ABHD2: variants seen among roughly 807,000 people sequenced by gnomAD.
The protein encoded by ABHD2 is monoacylglycerol lipase ABHD2.
ABHD2 carries 20 observed loss-of-function variants against 48.1 expected under a neutral mutation model. The ratio of observed to expected loss-of-function variants is 0.42; its 90% CI spans 0.29 to 0.60. The LOEUF (loss-of-function observed/expected upper bound fraction) is 0.60, where lower values mean the gene tolerates loss of function less well. ABHD2 is among the 20% of genes least tolerant of loss of function. The probability of loss-of-function intolerance (pLI) is 0.24; values close to 1 mark genes in which losing one functional copy is unlikely to be tolerated. For missense variants in ABHD2, 405 were observed against 550.9 expected, an observed-to-expected ratio of 0.74 and a Z score of 2.65; for synonymous variants, 209 against 214.2, an observed-to-expected ratio of 0.98 and a Z score of 0.21.
chr15:89,045,226 G>A, the ABHD2 span, among the ~76,000 whole-genome samples: 255 of 151,400 alleles, frequency 1.7e-3, no homozygotes, highest in African/African-American at 5.8e-3. Flanking sequence ...GATATGCGGC[G>A]TTATTTCTGA....
rs1567118443 is a variant in ABHD2 at position 89,199,950 on chromosome 15, C to G, written c.*4527C>G. 2.0e-5 allele frequency: 3 copies of G among 152,692 alleles called. No individual in the cohort carries two copies. In the East Asian group the frequency reaches 5.8e-4, roughly 30 times the overall value. The allele number at this position is 152,692 out of a possible 1,614,324, so 9.5% of individuals were successfully genotyped here. A position where few individuals can be genotyped will look rare whatever the true frequency, so the allele number is the denominator to read the frequency against. On this transcript the variant is annotated 3_prime_UTR_variant, in exon 11 of 11. Transcript: ENST00000352732. This position sits in a 1 kb window ranked among gnomAD's most constrained non-coding sequence, Gnocchi z 4.1. ...ATGCCACACAAGGCAAGGCCTGCTT[C>G]CTTCCTTCCCCTCTGCTGCTGCTGC...
chr15:89,078,017 A>T, the ABHD2 span, among the ~76,000 whole-genome samples: 1 of 152,160 alleles, frequency 6.6e-6, no homozygotes, highest in African/African-American at 2.4e-5. Flanking sequence ...GTGTCACCAA[A>T]ATCTCAACAG....
intron 1 of ABHD2, among the ~76,000 whole-genome samples, chr15:89,112,972 C>G (rs1002412833): frequency 2.6e-5 from 4 of 152,188 alleles, no homozygotes; most frequent in Non-Finnish European, 5.9e-5. Context: ...TACCATATGT[C>G]AAGTTTGAAG....
the ABHD2 span, among the ~76,000 whole-genome samples, chr15:89,046,254 A>T: frequency 6.6e-6 from 1 of 152,154 alleles, no homozygotes; most frequent in Non-Finnish European, 1.5e-5. Flanking sequence ...AGTCCACTTG[A>T]TCATGGTGGA....
chr15:89,053,402 G>T, the ABHD2 span, among the ~76,000 whole-genome samples: 2 of 152,168 alleles, frequency 1.3e-5, no homozygotes, highest in African/African-American at 4.8e-5. Flanking sequence ...CTGACATGCA[G>T]CATAATCTCA....
chr15:89,052,713 C>T, the ABHD2 span, among the ~76,000 whole-genome samples: 1 of 152,142 alleles, frequency 6.6e-6, no homozygotes, highest in Admixed American at 6.5e-5. Flanking sequence ...CCTCACAGAG[C>T]TCACAGGGAG....
chr15:89,060,278 A>T, the ABHD2 span, among the ~76,000 whole-genome samples: 4 of 151,550 alleles, frequency 2.6e-5, no homozygotes, highest in Admixed American at 1.3e-4. Flanking sequence ...TTTAGTAGAG[A>T]CAGGGTTTCA....
Position 89,195,123 on chromosome 15 carries a change from A to AC in ABHD2, c.1082-101dup, listed in dbSNP as rs1208074215. On this transcript the variant is annotated intron_variant, in intron 10 of 10. Coordinates refer to ENST00000352732, the MANE Select transcript of ABHD2 (RefSeq NM_152924.5). The surrounding 1 kb of genome is among the most constrained non-coding windows in gnomAD (Gnocchi z 5.1). ...TAGAGGTTGGATGCCCACTTAGGTGACCCTGCGGGGACAGCCAGGCTACCC... is the reference window on the plus strand; with the variant it reads ...TAGAGGTTGGATGCCCACTTAGGTGACCCCTGCGGGGACAGCCAGGCTACCC... The AC allele has an allele frequency of 7.4e-7, 1 of 1,344,518 alleles. No homozygotes were observed. The highest frequency in any genetic ancestry group is 2.1e-5 in the Admixed American group (1 of 46,840). The allele number at this position is 1,344,518 out of a possible 1,614,324, so 83.3% of individuals were successfully genotyped here.
At chr15:89,061,091 G>T in the ABHD2 span, among the ~76,000 whole-genome samples, 2 of 98,734 alleles carry the variant, frequency 2.0e-5, no homozygotes, top group African/African-American at 9.8e-5. Context: ...AAAATGGGGA[G>T]GGAGGGAAGG....
At chr15:89,042,327 C>T in the ABHD2 span, among the ~76,000 whole-genome samples, 5 of 152,126 alleles carry the variant, frequency 3.3e-5, no homozygotes, top group Non-Finnish European at 7.3e-5. Context: ...CTTGCTTTTA[C>T]CCTACTCCCT....
chr15:89,186,075 TC>T lies in ABHD2; in HGVS notation c.815+562del, dbSNP rs2051203951. Among the ~76,000 whole-genome samples the T allele has an allele frequency of 6.6e-6, 1 of 152,206 alleles. No individual in the cohort carries two copies. The highest frequency in any genetic ancestry group is 1.5e-5 in the Non-Finnish European group (1 of 68,038). On this transcript the variant is annotated intron_variant, in intron 7 of 10. Transcript: ENST00000352732. The surrounding 1 kb of genome is among the most constrained non-coding windows in gnomAD (Gnocchi z 4.3). ...AATGAACCACTTCCACACCCTTTTC[TC>T]CCAAATTAGAGCAGTCACGAGGTGG...
intron 10 of ABHD2, among the ~76,000 whole-genome samples, chr15:89,193,691 T>C (rs2051343986): frequency 6.6e-6 from 1 of 152,202 alleles, no homozygotes; most frequent in African/African-American, 2.4e-5. Context: ...GGCTCACACC[T>C]GTAATCCTAG....
chr15:89,139,526 G>A (rs922659436), intron 3 of ABHD2, among the ~76,000 whole-genome samples: 1 of 152,052 alleles, frequency 6.6e-6, no homozygotes, highest in Admixed American at 6.5e-5. Flanking sequence ...CACAGCACTC[G>A]TATTTGTTGA....
rs1177922359 is a variant in ABHD2 at position 89,189,330 on chromosome 15, A to T, written c.926+1027A>T. Among the ~76,000 whole-genome samples, 5 of 152,034 alleles carry T rather than the reference A, an allele frequency of 3.3e-5. No homozygotes were observed. The highest frequency in any genetic ancestry group is 7.4e-5 in the Non-Finnish European group (5 of 68,008). ...CAAGTCCCTGTCTCTACAAAAAAAA[A>T]TTGAAAAATAAAAATAGCCGGGCAT... On this transcript the variant is annotated intron_variant, in intron 8 of 10. Transcript: ENST00000352732. The surrounding 1 kb of genome is among the most constrained non-coding windows in gnomAD (Gnocchi z 4.9).
chr15:89,164,675 C>T lies in ABHD2; in HGVS notation c.538+9141C>T, dbSNP rs1200374649. On this transcript the variant is annotated intron_variant, in intron 5 of 10. Coordinates refer to ENST00000352732, the MANE Select transcript of ABHD2 (RefSeq NM_152924.5). This position sits in a 1 kb window ranked among gnomAD's most constrained non-coding sequence, Gnocchi z 5.0. The stretch of plus-strand genomic sequence containing the variant: ...TGATACACACCTGTAATCTCAGCTA[C>T]CTGGGAGGCAAAGGCAGGAGAATCG... 6.6e-6 allele frequency among the ~76,000 whole-genome samples: 1 copy of T among 151,786 alleles called. No individual in the cohort carries two copies.
intron 3 of ABHD2, among the ~76,000 whole-genome samples, chr15:89,132,811 G>T (rs1477238198): frequency 5.3e-5 from 8 of 152,168 alleles, no homozygotes; most frequent in Non-Finnish European, 1.0e-4. Flanking sequence ...GTTTGGTGGC[G>T]CTCTCTCACT....
chr15:89,074,971 C>T, the ABHD2 span, among the ~76,000 whole-genome samples: 2 of 152,192 alleles, frequency 1.3e-5, no homozygotes, highest in African/African-American at 4.8e-5. Context: ...GAAAAAGCCT[C>T]ATTCCCTTCA....
At chr15:89,058,777 C>T in the ABHD2 span, among the ~76,000 whole-genome samples, 1 of 152,186 alleles carries the variant, frequency 6.6e-6, no homozygotes, top group East Asian at 1.9e-4. Flanking sequence ...ACCATAGTAT[C>T]TGCCCTTGAA....
the ABHD2 span, among the ~76,000 whole-genome samples, chr15:89,042,792 G>A: frequency 6.6e-6 from 1 of 151,664 alleles, no homozygotes; most frequent in Non-Finnish European, 1.5e-5. Flanking sequence ...GACTACAGGT[G>A]TGTGCCACAA....
Sources: allele counts gnomAD v4.1 joint callset (sites outside exome capture counted in the v4.1 genomes callset), GRCh38; gene constraint gnomAD v4.1.1; non-coding constraint Gnocchi (gnomAD v3.1); transcripts MANE v1.5; gene names NCBI Gene and HGNC (gene_info 2026-07-23, HGNC 2026-07-21).